Variants in SYNPO2 observed in about 807,000 individuals in gnomAD.
SYNPO2 encodes synaptopodin 2.
SYNPO2 carries 56 observed loss-of-function variants against 85.0 expected under a neutral mutation model. That is an observed-to-expected ratio of 0.66 (90% CI 0.53 to 0.82). The LOEUF is 0.82. Among genes scored for constraint, SYNPO2 ranks in the 40% least tolerant of loss-of-function variants. SYNPO2 has a pLI of 0.00. For missense variants in SYNPO2, 1,575 were observed against 1,534.2 expected (o/e 1.03, Z -0.44); for synonymous variants, 602 against 591.1 (o/e 1.02, Z -0.27).
At chr4:118,936,507 C>T (rs1485841356) in intron 1 of SYNPO2, among the ~76,000 whole-genome samples, 1 of 152,096 alleles carries the variant, frequency 6.6e-6, no homozygotes, top group African/African-American at 2.4e-5. Flanking sequence ...ATCAAAATGG[C>T]CGTGTTCAGA....
chr4:118,867,866 A>C (rs1731728055), intron 1 of SYNPO2, among the ~76,000 whole-genome samples: 1 of 152,152 alleles, frequency 6.6e-6, no homozygotes, highest in East Asian at 1.9e-4. Flanking sequence ...TTATTAAGGC[A>C]GGATAAGATG....
intron 1 of SYNPO2, among the ~76,000 whole-genome samples, chr4:118,938,677 C>T: frequency 6.6e-6 from 1 of 152,134 alleles, no homozygotes; most frequent in East Asian, 1.9e-4. Flanking sequence ...GCTAGCCATC[C>T]TAATACATAA....
intron 1 of SYNPO2, among the ~76,000 whole-genome samples, chr4:119,009,013 A>G (rs1055798350): frequency 2.0e-5 from 3 of 152,168 alleles, no homozygotes; most frequent in South Asian, 4.1e-4. Context: ...ACAAATGAAA[A>G]CCTCTTGTCT....
intron 4 of SYNPO2, chr4:119,035,989 C>T: frequency 3.0e-6 from 3 of 985,392 alleles, no homozygotes; most frequent in Non-Finnish European, 1.2e-6. Context: ...CTCCTAAGAG[C>T]AGAAGACACA....
At chr4:119,051,186 A>AAGTTT (rs568341923) in intron 4 of SYNPO2, among the ~76,000 whole-genome samples, 2 of 100,720 alleles carry the variant, frequency 2.0e-5, no homozygotes, top group Non-Finnish European at 3.8e-5. Flanking sequence ...ATGGGAAGCA[A>AAGTTT]TTTTTTTTTT....
At chr4:118,916,775 C>G (rs1327891826) in intron 1 of SYNPO2, among the ~76,000 whole-genome samples, 3 of 147,706 alleles carry the variant, frequency 2.0e-5, no homozygotes, top group Admixed American at 6.7e-5. Context: ...CTCTGTCCCC[C>G]GGGCTGGAGT....
intron 4 of SYNPO2, among the ~76,000 whole-genome samples, chr4:119,046,798 A>C (rs1416180405): frequency 3.9e-5 from 6 of 152,230 alleles, no homozygotes; most frequent in Non-Finnish European, 7.3e-5. Flanking sequence ...TGTGACATCC[A>C]AGTTTCCATT....
chr4:118,877,583 G>A lies in SYNPO2; in HGVS notation c.12+26643G>A, dbSNP rs543434308. Among the ~76,000 whole-genome samples the A allele has an allele frequency of 5.9e-5, 9 of 152,106 alleles. No homozygotes were observed. In the East Asian group the frequency reaches 7.7e-4, roughly 13 times the overall value. On this transcript the variant is annotated intron_variant, in intron 1 of 4. Transcript: ENST00000610556. ...ACTTTTCAAAAGAAGACATATACGC[G>A]GCCAACAAGCATATGAAAAGAAGAT...
Position 118,900,415 on chromosome 4 carries a change from A to G in SYNPO2, c.105+11274A>G, listed in dbSNP as rs573767630. Among the ~76,000 whole-genome samples, 259 of 152,230 alleles carry G rather than the reference A, an allele frequency of 1.7e-3. 1 individual carries two copies. The highest frequency in any genetic ancestry group is 5.9e-3 in the African/African-American group (246 of 41,558). ...TCCACAAGTATTTTAAGGATTTGCA[A>G]GAGATACCATTGGAACCTCAGTGGT... On this transcript the variant is annotated intron_variant, in intron 1 of 4. Coordinates refer to ENST00000307142, the MANE Select transcript of SYNPO2 (RefSeq NM_133477.3).
intron 1 of SYNPO2, among the ~76,000 whole-genome samples, chr4:118,946,844 G>C (rs771299787): frequency 4.6e-5 from 7 of 152,182 alleles, no homozygotes; most frequent in Non-Finnish European, 8.8e-5. Context: ...CGTGTTTTAA[G>C]AGTGAAATTA....
intron 4 of SYNPO2, chr4:119,032,532 A>C: frequency 9.9e-7 from 1 of 1,007,292 alleles, no homozygotes; most frequent in Non-Finnish European, 1.2e-6. Context: ...TATGAAGGAC[A>C]GGGAGCAGCT....
chr4:118,933,119 A>C (rs947932971), intron 1 of SYNPO2, among the ~76,000 whole-genome samples: 3 of 152,202 alleles, frequency 2.0e-5, no homozygotes, highest in Non-Finnish European at 4.4e-5. Flanking sequence ...TTCTTAAATT[A>C]TTTGAATTCA....
Position 118,979,228 on chromosome 4 carries a change from C to A in SYNPO2, c.106-44202C>A, listed in dbSNP as rs1308608959. ...TTTCCCTTACCCTCCACAGTCTCTC[C>A]TGCTTAGCTATCTCTTGAATAGTGG... On this transcript the variant is annotated intron_variant, in intron 1 of 4. Transcript: ENST00000307142. Among the ~76,000 whole-genome samples the A allele has an allele frequency of 2.6e-5, 4 of 152,312 alleles. No individual in the cohort carries two copies. The East Asian group carries it at 7.7e-4, about 29-fold the overall frequency.
chr4:119,056,912 G>A (rs904024732), intron 4 of SYNPO2, among the ~76,000 whole-genome samples: 4 of 152,140 alleles, frequency 2.6e-5, no homozygotes, highest in African/African-American at 9.7e-5. Context: ...AAGTCACTTG[G>A]GAAGAGTAAA....
intron 1 of SYNPO2, among the ~76,000 whole-genome samples, chr4:118,910,408 C>A (rs1030020399): frequency 1.6e-4 from 25 of 152,340 alleles, no homozygotes; most frequent in African/African-American, 5.8e-4. Context: ...AGGTGCGTTG[C>A]ACCGGGAATT....
intron 1 of SYNPO2, among the ~76,000 whole-genome samples, chr4:118,855,495 G>A (rs1324253819): frequency 1.3e-5 from 2 of 152,032 alleles, no homozygotes; most frequent in Non-Finnish European, 2.9e-5. Flanking sequence ...TATCTGAGTA[G>A]ATATCGCACA....
At chr4:118,868,856 C>G (rs1398034858) in intron 1 of SYNPO2, among the ~76,000 whole-genome samples, 2 of 152,132 alleles carry the variant, frequency 1.3e-5, no homozygotes, top group African/African-American at 2.4e-5. Context: ...GGAAAATGGC[C>G]TAAGTGACCT....
chr4:118,851,286 T>C lies in SYNPO2; in HGVS notation c.12+346T>C, dbSNP rs546737560. Among the ~76,000 whole-genome samples, 101 of 152,242 alleles carry C rather than the reference T, an allele frequency of 6.6e-4. 1 individual carries two copies. The highest frequency in any genetic ancestry group is 1.2e-3 in the South Asian group (6 of 4,826). ...TGACATTCTTAAAAATGATTGAGGA[T>C]TGACCAGTCTGACCAACACGGAGAA... On this transcript the variant is annotated intron_variant, in intron 1 of 4. Transcript: ENST00000610556.
chr4:119,015,644 A>G (rs941464631), intron 1 of SYNPO2, among the ~76,000 whole-genome samples: 6 of 152,202 alleles, frequency 3.9e-5, no homozygotes. Context: ...TCAGAACCTC[A>G]TTTAGCTATT....
Sources: allele counts gnomAD v4.1 joint callset (sites outside exome capture counted in the v4.1 genomes callset), GRCh38; gene constraint gnomAD v4.1.1; transcripts MANE v1.5; gene names NCBI Gene and HGNC (gene_info 2026-07-23, HGNC 2026-07-21).